TRIM33: variants seen among roughly 807,000 people sequenced by gnomAD.
TRIM33 encodes tripartite motif containing 33, also known as E3 ubiquitin-protein ligase TRIM33.
In TRIM33, 20 loss-of-function variants were observed where a neutral mutation model predicts 125.4. That is an observed-to-expected ratio of 0.16 (90% confidence interval 0.11 to 0.23). The LOEUF is 0.23. TRIM33 is among the 10% of genes least tolerant of loss of function. TRIM33 has a pLI of 1.00. For missense variants in TRIM33, 920 were observed against 1,411.4 expected (o/e 0.65, Z 5.58); for synonymous variants, 564 against 513.9 (o/e 1.10, Z -1.32).
At chr1:114,490,084 CAAAAA>C (rs776451339) in intron 1 of TRIM33, among the ~76,000 whole-genome samples, 22 of 37,648 alleles carry the variant, frequency 5.8e-4, no homozygotes, top group Admixed American at 3.5e-3. Flanking sequence ...GACTCCGTCT[CAAAAA>C]AAAAAAAAAA....
chr1:114,426,478 T>C (rs911361777), intron 8 of TRIM33, among the ~76,000 whole-genome samples: 7 of 151,732 alleles, frequency 4.6e-5, no homozygotes, highest in African/African-American at 1.7e-4. Flanking sequence ...AATTTGAATA[T>C]AATTTTTTTT....
rs374706498 is a variant in TRIM33 at position 114,442,240 on chromosome 1, G to T, written c.924-8507C>A. Among the ~76,000 whole-genome samples the T allele has an allele frequency of 1.6e-4, 24 of 152,228 alleles. 1 individual carries two copies. The highest frequency in any genetic ancestry group is 3.4e-3 in the Middle Eastern group (1 of 294). On this transcript the variant is annotated intron_variant, in intron 4 of 19. Transcript: ENST00000358465. ...CAAACCATTTTGTCTGACAATAAGT[G>T]TACCCCATGAAAAAATTATGCTTGG... is the stretch of plus-strand genomic sequence containing the variant.
At chr1:114,410,128 T>C (rs1652489530) in intron 12 of TRIM33, 56 bp downstream of exon 12, 1 of 1,598,344 alleles carries the variant, frequency 6.3e-7, no homozygotes, top group East Asian at 2.2e-5. Flanking sequence ...CTAAGACAGA[T>C]ACTGACACTG....
intron 1 of TRIM33, among the ~76,000 whole-genome samples, chr1:114,491,300 T>C (rs917384737): frequency 1.3e-5 from 2 of 152,202 alleles, no homozygotes; most frequent in Non-Finnish European, 2.9e-5. Flanking sequence ...AATAATTTTA[T>C]TTGCATTGAC....
chr1:114,444,402 T>G (rs1176394790), intron 4 of TRIM33, among the ~76,000 whole-genome samples: 1 of 152,192 alleles, frequency 6.6e-6, no homozygotes, highest in East Asian at 1.9e-4. Flanking sequence ...CTAGAAGAAC[T>G]CAGCTTGAAT....
At chr1:114,405,063 G>A (rs1652147835) in intron 15 of TRIM33, 1 of 170,684 alleles carries the variant, frequency 5.9e-6, no homozygotes, top group Non-Finnish European at 1.2e-5. Context: ...TGCAAAAACT[G>A]ATCCCTGATA....
At position 114,397,951 on chromosome 1, in the gene TRIM33, T is replaced by C. The variant is rs1330295097; in HGVS notation, c.3160A>G (p.Ile1054Val). ...VVQVYADTQE[I>V]NLKADSEVAQ... ...TCTGAAAAGCTTACCTTCAAATTAATCTCTTGTGTGTCTGCATAAACTTGA... is the reference window on the plus strand; with the variant it reads ...TCTGAAAAGCTTACCTTCAAATTAACCTCTTGTGTGTCTGCATAAACTTGA... The change falls in exon 19 of 20, where the codon ATT (isoleucine) becomes GTT (valine). Residue 1054 changes from isoleucine (I) to valine (V), a missense_variant. Around this residue, in one of 8 missense-constraint regions of TRIM33, gnomAD observed 122 missense variants for 236.8 expected, o/e 0.52. Transcript: ENST00000358465. 1.9e-6 allele frequency: 3 copies of C among 1,613,410 alleles called. No homozygotes were observed. Among genetic ancestry groups the C allele is most frequent in the Non-Finnish European group, 2.5e-6 (3 of 1,179,840 alleles).
At chr1:114,476,266 C>T (rs1378775932) in intron 1 of TRIM33, among the ~76,000 whole-genome samples, 2 of 150,484 alleles carry the variant, frequency 1.3e-5, no homozygotes, top group African/African-American at 2.4e-5. Context: ...TTTTACAGTC[C>T]ACATCCTATA....
chr1:114,487,961 G>A (rs1396880703), intron 1 of TRIM33, among the ~76,000 whole-genome samples: 1 of 148,502 alleles, frequency 6.7e-6, no homozygotes, highest in African/African-American at 2.5e-5. Flanking sequence ...TTCTTCTCAT[G>A]GATTTCTTAA....
chr1:114,433,977 T>C (rs1648125918), intron 4 of TRIM33, among the ~76,000 whole-genome samples: 1 of 152,224 alleles, frequency 6.6e-6, no homozygotes, highest in South Asian at 2.1e-4. Context: ...GCTCTTATAT[T>C]AGAGTGTTGA....
At chr1:114,424,559 T>C (rs760872037) in intron 10 of TRIM33, 32 bp downstream of exon 10, 5 of 1,482,774 alleles carry the variant, frequency 3.4e-6, no homozygotes, top group East Asian at 2.4e-5. Flanking sequence ...TTTAAAATTG[T>C]AGGATTCTTA....
At chr1:114,471,194 A>G (rs1362364254) in intron 1 of TRIM33, among the ~76,000 whole-genome samples, 4 of 152,218 alleles carry the variant, frequency 2.6e-5, no homozygotes, top group African/African-American at 9.6e-5. Context: ...CCCACCTGTA[A>G]TTCCAGCGAT....
At chr1:114,481,032 T>G (rs1433272768) in intron 1 of TRIM33, among the ~76,000 whole-genome samples, 1 of 151,792 alleles carries the variant, frequency 6.6e-6, no homozygotes, top group Non-Finnish European at 1.5e-5. Flanking sequence ...ATTAGCCAGG[T>G]GTGGTGGCGC....
At chr1:114,492,550 C>A (rs1014720499) in intron 1 of TRIM33, among the ~76,000 whole-genome samples, 2 of 152,114 alleles carry the variant, frequency 1.3e-5, no homozygotes, top group African/African-American at 2.4e-5. Context: ...ATTCCTCCCC[C>A]ACTCCCATCC....
At chr1:114,459,297 C>T (rs892622620) in intron 4 of TRIM33, among the ~76,000 whole-genome samples, 4 of 152,100 alleles carry the variant, frequency 2.6e-5, no homozygotes, top group Non-Finnish European at 5.9e-5. Flanking sequence ...AATTTAATCA[C>T]GCATCCCTAA....
intron 4 of TRIM33, among the ~76,000 whole-genome samples, chr1:114,444,240 G>A (rs1231497338): frequency 1.3e-5 from 2 of 152,172 alleles, no homozygotes; most frequent in Non-Finnish European, 2.9e-5. Flanking sequence ...GGTAGATAGA[G>A]GGAAGAGAAG....
intron 5 of TRIM33, among the ~76,000 whole-genome samples, chr1:114,432,542 T>C (rs922338104): frequency 4.0e-4 from 61 of 152,292 alleles, no homozygotes; most frequent in Non-Finnish European, 6.9e-4. Flanking sequence ...ATCCCAGCAC[T>C]TTGGGAGGCT....
intron 1 of TRIM33, among the ~76,000 whole-genome samples, chr1:114,472,192 C>T (rs1248065199): frequency 6.6e-6 from 1 of 152,046 alleles, no homozygotes; most frequent in Non-Finnish European, 1.5e-5. Flanking sequence ...AATCATGTAA[C>T]CTGGCTGCAA....
At chr1:114,490,084 C>CA (rs776451339) in intron 1 of TRIM33, among the ~76,000 whole-genome samples, 4,078 of 37,250 alleles carry the variant, frequency 0.11, 303 homozygotes, top group African/African-American at 0.15. Flanking sequence ...GACTCCGTCT[C>CA]AAAAAAAAAA....
Sources: gnomAD v4.1 joint callset for allele counts (sites outside exome capture counted in the v4.1 genomes callset) on GRCh38, gnomAD v4.1.1 for gene constraint, gnomAD v4.1.1 regional missense constraint, MANE v1.5 for transcripts, NCBI Gene and HGNC (gene_info 2026-07-23, HGNC 2026-07-21) for gene names.